The following ZNF644 variants were observed in gnomAD, a reference collection of about 807,000 sequenced individuals.
The protein encoded by ZNF644 is zinc finger protein 644.
A neutral mutation model predicts 108.0 loss-of-function variants in ZNF644; 20 were observed. The ratio of observed to expected loss-of-function variants is 0.19; its 90% CI spans 0.13 to 0.27. The LOEUF is 0.27. Ranked by LOEUF, ZNF644 falls within the 10% of genes least tolerant of loss-of-function variation. The probability of loss-of-function intolerance (pLI) is 1.00; values close to 1 mark genes in which losing one functional copy is unlikely to be tolerated. For synonymous variants in ZNF644, 542 were observed against 539.1 expected (o/e 1.01, Z -0.08); for missense variants, 1,338 against 1,548.9 (o/e 0.86, Z 2.29).
chr1:90,946,854 G>C (rs1477462871), intron 2 of ZNF644, among the ~76,000 whole-genome samples: 1 of 151,960 alleles, frequency 6.6e-6, no homozygotes, highest in Non-Finnish European at 1.5e-5. Context: ...CTGATGCCAT[G>C]TACCATCCTC....
At chr1:90,956,740 TACTC>T (rs1450401725) in intron 2 of ZNF644, among the ~76,000 whole-genome samples, 1 of 152,054 alleles carries the variant, frequency 6.6e-6, no homozygotes, top group Non-Finnish European at 1.5e-5. Context: ...TAGTCACAAA[TACTC>T]AGGAGGCTGA....
At chr1:91,007,225 G>GTTTTTTTTTTT in intron 1 of ZNF644, among the ~76,000 whole-genome samples, 1 of 56,000 alleles carries the variant, frequency 1.8e-5, no homozygotes, top group Non-Finnish European at 3.3e-5. Context: ...CTCCCATTTT[G>GTTTTTTTTTTT]TTTTTTTTTT....
intron 1 of ZNF644, among the ~76,000 whole-genome samples, chr1:90,997,400 C>G (rs1658252366): frequency 6.6e-6 from 1 of 151,806 alleles, no homozygotes; most frequent in African/African-American, 2.4e-5. Context: ...ATTTCAGTGC[C>G]CATATGTGAC....
At chr1:90,976,504 TG>T (rs1398778682) in intron 2 of ZNF644, among the ~76,000 whole-genome samples, 3 of 152,248 alleles carry the variant, frequency 2.0e-5, no homozygotes, top group Non-Finnish European at 2.9e-5. Context: ...CAAAATTCTT[TG>T]GTCTGAAGGA....
chr1:90,964,964 T>C (rs1654707773), intron 2 of ZNF644, among the ~76,000 whole-genome samples: 3 of 152,122 alleles, frequency 2.0e-5, no homozygotes, highest in East Asian at 3.8e-4. Context: ...TAAGTTGCTT[T>C]ACAAATTAAT....
chr1:91,011,423 T>C lies in ZNF644; in HGVS notation c.-18+10567A>G, dbSNP rs116831644. 7.0e-3 allele frequency among the ~76,000 whole-genome samples: 1,063 copies of C among 152,332 alleles called. 21 individuals are homozygous for C. The highest frequency in any genetic ancestry group is 4.9e-3 in the Non-Finnish European group (332 of 68,010). On this transcript the variant is annotated intron_variant, in intron 1 of 5. Transcript: ENST00000337393. ...CCAGATATACTAGAATGTGAAGATA[T>C]ATTTTTTATTATATACGTTTAACAA...
intron 1 of ZNF644, among the ~76,000 whole-genome samples, chr1:91,016,085 T>A (rs1392673704): frequency 6.6e-6 from 1 of 152,218 alleles, no homozygotes; most frequent in African/African-American, 2.4e-5. Context: ...TATATATGCA[T>A]AATTACAATT....
chr1:90,989,212 T>A (rs1329265781), intron 1 of ZNF644, among the ~76,000 whole-genome samples: 1 of 152,090 alleles, frequency 6.6e-6, no homozygotes, highest in Non-Finnish European at 1.5e-5. Flanking sequence ...GCCAAGTACT[T>A]CAATGGACAA....
intron 4 of ZNF644, among the ~76,000 whole-genome samples, chr1:90,931,941 G>A (rs74099868): frequency 0.013 from 1,903 of 152,082 alleles, 36 homozygotes; most frequent in African/African-American, 0.043. Flanking sequence ...CAGGAGATAC[G>A]CAAAGTCTAT....
chr1:90,937,855 A>T lies in ZNF644; in HGVS notation c.3318T>A (p.Phe1106Leu), dbSNP rs747305573. The change falls in exon 4 of 6, where the codon TTT becomes TTA. Residue 1106 changes from phenylalanine (F) to leucine (L), a missense_variant. Physicochemically the swap from Phe to Leu is conservative, Grantham distance 22. This residue lies in a region of ZNF644 where 287 missense variants were observed against 310.9 expected (regional missense o/e 0.92). Coordinates refer to ENST00000337393, the MANE Select transcript of ZNF644 (RefSeq NM_201269.3). ...LNSRRIIPRPFVAQKLASSDD... is the reference protein window; with the variant it reads ...LNSRRIIPRPLVAQKLASSDD... The stretch of plus-strand genomic sequence containing the variant: ...CACTTGATGCAAGTTTTTGAGCTAC[A>T]AATGGTCTGGGAATAATACGACGAC... 1 of 1,613,896 alleles carries T rather than the reference A, an allele frequency of 6.2e-7. No individual in the cohort carries two copies. Among genetic ancestry groups the T allele is most frequent in the Non-Finnish European group, 8.5e-7 (1 of 1,179,866 alleles).
At chr1:91,021,640 C>CG (rs1266244151) in intron 1 of ZNF644, 5 of 140,688 alleles carry the variant, frequency 3.6e-5, no homozygotes, top group Non-Finnish European at 7.9e-5. Context: ...GAAAGCCCCC[C>CG]CCCCATCCCC....
rs936868438 is a variant in ZNF644 at position 90,938,635 on chromosome 1, T to C, written c.2719A>G (p.Thr907Ala). ...CCATCGTTTTGGTCATAACTAAGAG[T>C]AGCATTTTCTCCAGGCTCCTGACCT... is the stretch of plus-strand genomic sequence containing the variant. The part of the protein sequence containing the change: ...VEGQEPGENA[T>A]LSYDQNDGFY... Residue 907 changes from threonine (T) to alanine (A), a missense_variant, in exon 3 of 6, where the codon ACT becomes GCT. Physicochemically the swap from Thr to Ala is moderately conservative, Grantham distance 58 (BLOSUM62 0). Coordinates refer to ENST00000337393, the MANE Select transcript of ZNF644 (RefSeq NM_201269.3). The surrounding 1 kb of genome is among the most constrained non-coding windows in gnomAD (Gnocchi z 4.2). The C allele has an allele frequency of 4.3e-6, 7 of 1,610,182 alleles. No homozygotes were observed. The highest frequency in any genetic ancestry group is 1.3e-5 in the African/African-American group (1 of 74,540).
Position 90,940,066 on chromosome 1 carries a change from T to C in ZNF644, c.1288A>G (p.Met430Val). ...REKKHLHRHM[M>V]YHLDGNSHFR... Reference sequence around the variant, plus strand: ...TGACTATTCCCATCTAAATGATACATCATATGCCTGTGGAGGTGCTTCTTC... The same window carrying C: ...TGACTATTCCCATCTAAATGATACACCATATGCCTGTGGAGGTGCTTCTTC... Residue 430 changes from methionine to valine, a missense_variant, in exon 3 of 6, where the codon ATG becomes GTG. Physicochemically the swap from Met to Val is conservative, Grantham distance 21 (BLOSUM62 1). Transcript: ENST00000337393. 1.2e-6 allele frequency: 2 copies of C among 1,614,100 alleles called. No individual in the cohort carries two copies. The highest frequency in any genetic ancestry group is 2.7e-5 in the African/African-American group (2 of 75,056).
At chr1:90,985,544 T>C (rs1273417688) in intron 1 of ZNF644, among the ~76,000 whole-genome samples, 3 of 152,182 alleles carry the variant, frequency 2.0e-5, no homozygotes, top group Non-Finnish European at 1.5e-5. Context: ...ACATGTAAGT[T>C]AGATTACGTG....
chr1:90,974,002 T>C (rs1273937697), intron 2 of ZNF644, among the ~76,000 whole-genome samples: 1 of 152,088 alleles, frequency 6.6e-6, no homozygotes, highest in East Asian at 1.9e-4. Flanking sequence ...TCTCTGACTT[T>C]CTCTCCCTTC....
chr1:90,929,367 A>T (rs1162207286), intron 4 of ZNF644, among the ~76,000 whole-genome samples: 2 of 152,186 alleles, frequency 1.3e-5, no homozygotes, highest in Non-Finnish European at 2.9e-5. Context: ...CAGCAGAGAC[A>T]TGTCTCATAC....
At position 90,966,309 on chromosome 1, in the gene ZNF644, T is replaced by C. The variant is rs181556579; in HGVS notation, c.44+16001A>G. 4.9e-4 allele frequency among the ~76,000 whole-genome samples: 75 copies of C among 152,322 alleles called. No individual in the cohort carries two copies. The East Asian group carries it at 0.014, about 29-fold the overall frequency. On this transcript the variant is annotated intron_variant, in intron 2 of 5. Transcript: ENST00000337393. Reference sequence around the variant, plus strand: ...TATAGTACTAACACCTGATACATTATTATTTGATCATTTGTTTTTTTCTCC... The same window carrying C: ...TATAGTACTAACACCTGATACATTACTATTTGATCATTTGTTTTTTTCTCC...
intron 1 of ZNF644, among the ~76,000 whole-genome samples, chr1:91,020,260 G>T (rs948604004): frequency 2.6e-5 from 4 of 152,000 alleles, no homozygotes; most frequent in African/African-American, 7.2e-5. Flanking sequence ...ACAAGGAAAT[G>T]AAAGTTAACT....
intron 4 of ZNF644, among the ~76,000 whole-genome samples, chr1:90,937,280 G>C (rs1021337440): frequency 6.6e-6 from 1 of 151,868 alleles, no homozygotes; most frequent in African/African-American, 2.4e-5. Flanking sequence ...CAAGAAAAGA[G>C]GCACAGAGAA....
Sources: allele counts gnomAD v4.1 joint callset (sites outside exome capture counted in the v4.1 genomes callset), GRCh38; gene constraint gnomAD v4.1.1; regional missense constraint gnomAD v4.1.1; non-coding constraint Gnocchi (gnomAD v3.1); transcripts MANE v1.5; gene names NCBI Gene and HGNC (gene_info 2026-07-23, HGNC 2026-07-21).